Variants in ERC2 observed in about 807,000 individuals in gnomAD.
The protein encoded by ERC2 is ELKS/RAB6-interacting/CAST family member 2, also known as ERC protein 2.
Under a neutral mutation model 114.8 loss-of-function variants are expected in ERC2, and 42 were observed. The ratio of observed to expected loss-of-function variants is 0.37; its 90% CI spans 0.29 to 0.47. ERC2 has a LOEUF of 0.47. ERC2 is among the 20% of genes least tolerant of loss of function. The pLI is 0.99. For missense variants in ERC2, 939 were observed against 1,150.7 expected, an observed-to-expected ratio of 0.82 and a Z score of 2.66; for synonymous variants, 454 against 425.5, an observed-to-expected ratio of 1.07 and a Z score of -0.82.
At chr3:55,612,783 G>A (rs1332430841) in intron 17 of ERC2, 6 of 152,106 alleles carry the variant, frequency 3.9e-5, no homozygotes, top group African/African-American at 9.7e-5. Context: ...AGAATTGTGC[G>A]ATCAGCACCA....
At chr3:55,575,713 G>A (rs2056942807) in intron 17 of ERC2, among the ~76,000 whole-genome samples, 1 of 152,156 alleles carries the variant, frequency 6.6e-6, no homozygotes, top group Non-Finnish European at 1.5e-5. Context: ...CTCCACTAGT[G>A]GCTCAGCTGA....
intron 2 of ERC2, among the ~76,000 whole-genome samples, chr3:56,320,447 T>C (rs2057076044): frequency 6.6e-6 from 1 of 152,244 alleles, no homozygotes; most frequent in Non-Finnish European, 1.5e-5. Flanking sequence ...AATTGCAGCA[T>C]GCTTCTACTA....
At chr3:56,301,683 T>C (rs755050098) in intron 2 of ERC2, among the ~76,000 whole-genome samples, 1 of 151,000 alleles carries the variant, frequency 6.6e-6, no homozygotes, top group Admixed American at 6.6e-5. Context: ...CTGGGCAACA[T>C]AGGGAGACCC....
At chr3:56,008,195 C>CGTTT (rs2149564961) in intron 9 of ERC2, among the ~76,000 whole-genome samples, 1 of 152,266 alleles carries the variant, frequency 6.6e-6, no homozygotes, top group Non-Finnish European at 1.5e-5. Flanking sequence ...ATACTAAAGA[C>CGTTT]ACAATGGTCT....
At chr3:55,517,702 C>A (rs1575445736) in intron 17 of ERC2, among the ~76,000 whole-genome samples, 1 of 152,164 alleles carries the variant, frequency 6.6e-6, no homozygotes, top group South Asian at 2.1e-4. Context: ...CTGGCAGAAC[C>A]AGGCACGAGT....
intron 3 of ERC2, among the ~76,000 whole-genome samples, chr3:56,224,494 G>A (rs1258573279): frequency 6.6e-6 from 1 of 152,096 alleles, no homozygotes; most frequent in Non-Finnish European, 1.5e-5. Context: ...GAGCAGGTGA[G>A]GAGAGTACTT....
intron 17 of ERC2, among the ~76,000 whole-genome samples, chr3:55,572,695 G>T (rs1196164675): frequency 6.6e-6 from 1 of 152,136 alleles, no homozygotes; most frequent in African/African-American, 2.4e-5. Context: ...GAAGGGTGGG[G>T]CCAGGTGTAA....
chr3:56,331,903 A>C (rs556241839), intron 2 of ERC2, among the ~76,000 whole-genome samples: 1 of 152,268 alleles, frequency 6.6e-6, no homozygotes, highest in South Asian at 2.1e-4. Flanking sequence ...CTCACTTCTA[A>C]ATTTTTGAGG....
chr3:56,153,316 A>T (rs577446748), intron 4 of ERC2, among the ~76,000 whole-genome samples: 1 of 152,274 alleles, frequency 6.6e-6, no homozygotes, highest in African/African-American at 2.4e-5. Flanking sequence ...GTGGTCACAG[A>T]TCAGCGGCAC....
intron 14 of ERC2, among the ~76,000 whole-genome samples, chr3:55,853,509 A>G (rs2061661474): frequency 6.6e-6 from 1 of 152,190 alleles, no homozygotes; most frequent in East Asian, 1.9e-4. Flanking sequence ...CCTGGGAGAC[A>G]GAGTGAGACC....
At chr3:56,047,637 T>C (rs897610785) in intron 7 of ERC2, among the ~76,000 whole-genome samples, 1 of 152,078 alleles carries the variant, frequency 6.6e-6, no homozygotes, top group Non-Finnish European at 1.5e-5. Context: ...CAGGGAGAGG[T>C]GCAAGGAATG....
At chr3:56,285,022 C>CACAT (rs1470253852) in intron 3 of ERC2, among the ~76,000 whole-genome samples, 20 of 131,090 alleles carry the variant, frequency 1.5e-4, no homozygotes, top group African/African-American at 5.8e-4. Flanking sequence ...CACACACACA[C>CACAT]ACACACACAT....
At chr3:56,193,763 A>C (rs1167902189) in intron 3 of ERC2, among the ~76,000 whole-genome samples, 2 of 152,188 alleles carry the variant, frequency 1.3e-5, no homozygotes, top group African/African-American at 4.8e-5. Context: ...GAGAGGTTAA[A>C]TCACTTGCCC....
intron 3 of ERC2, among the ~76,000 whole-genome samples, chr3:56,175,630 A>G (rs2046450): frequency 0.91 from 138,697 of 152,072 alleles, 63,745 homozygotes; most frequent in East Asian, 1. Flanking sequence ...TGAGTACAGT[A>G]GGCTGCTGGA....
At chr3:55,617,774 C>T (rs1374710487) in intron 17 of ERC2, among the ~76,000 whole-genome samples, 2 of 152,214 alleles carry the variant, frequency 1.3e-5, no homozygotes, top group Non-Finnish European at 2.9e-5. Flanking sequence ...AGAAGTTCCA[C>T]ATTCAAAACG....
At chr3:55,666,244 A>C (rs1004216197) in intron 17 of ERC2, among the ~76,000 whole-genome samples, 23 of 152,284 alleles carry the variant, frequency 1.5e-4, no homozygotes, top group Middle Eastern at 6.8e-3. Context: ...GAGACCAGCA[A>C]GTTCAGATTT....
chr3:55,806,477 G>C (rs1575659619), intron 14 of ERC2, among the ~76,000 whole-genome samples: 1 of 152,132 alleles, frequency 6.6e-6, no homozygotes, highest in Non-Finnish European at 1.5e-5. Flanking sequence ...AGCTGAAGCA[G>C]AGGAATCATA....
At chr3:56,293,912 CAGA>C (rs774040155) in intron 3 of ERC2, among the ~76,000 whole-genome samples, 24 of 152,186 alleles carry the variant, frequency 1.6e-4, no homozygotes, top group Non-Finnish European at 2.6e-4. Context: ...AATCTAATTG[CAGA>C]AGAAGAATGA....
At chr3:56,303,477 AAGG>A (rs1223365268) in intron 2 of ERC2, among the ~76,000 whole-genome samples, 3 of 152,338 alleles carry the variant, frequency 2.0e-5, no homozygotes, top group African/African-American at 7.2e-5. Context: ...CAGGACAATG[AAGG>A]AGGTCATAAT....
Sources: gnomAD v4.1 joint callset for allele counts (sites outside exome capture counted in the v4.1 genomes callset) on GRCh38, gnomAD v4.1.1 for gene constraint, MANE v1.5 for transcripts, NCBI Gene and HGNC (gene_info 2026-07-23, HGNC 2026-07-21) for gene names.